Variants in VWA3B observed in about 807,000 individuals in gnomAD.
VWA3B encodes von Willebrand factor A domain containing 3B.
Under a neutral mutation model 158.3 loss-of-function variants are expected in VWA3B, and 138 were observed. The ratio of observed to expected loss-of-function variants is 0.87; its 90% CI spans 0.76 to 1.00. The LOEUF is 1.00. VWA3B is among the 50% of genes least tolerant of loss of function. The pLI is 0.00. For missense variants in VWA3B, 1,555 were observed against 1,565.1 expected (o/e 0.99, Z 0.11); for synonymous variants, 596 against 587.3 (o/e 1.01, Z -0.21).
At chr2:98,287,825 C>G (rs1383888665) in intron 22 of VWA3B, among the ~76,000 whole-genome samples, 1 of 152,080 alleles carries the variant, frequency 6.6e-6, no homozygotes, top group Non-Finnish European at 1.5e-5. Context: ...TTTAAAGATC[C>G]TTTTTCTCTG....
In VWA3B at chr2:98,307,895, C is replaced by T. The variant is rs180900843; in HGVS notation, c.3522-3924C>T. Among the ~76,000 whole-genome samples the T allele has an allele frequency of 2.4e-4, 36 of 152,304 alleles. No individual in the cohort carries two copies. The East Asian group carries it at 5.8e-3, about 24-fold the overall frequency. On this transcript the variant is annotated intron_variant, in intron 26 of 27. Transcript: ENST00000477737. ...CAAGGGATACCTGGGCCCAAACAGCCTCCATCTTCCCCCCAACCTCCTTTC... is the reference window on the plus strand; with the variant it reads ...CAAGGGATACCTGGGCCCAAACAGCTTCCATCTTCCCCCCAACCTCCTTTC...
At position 98,187,664 on chromosome 2, in the gene VWA3B, CTGTGTGTG is replaced by C. The variant is rs3066239; in HGVS notation, c.1312-279_1312-272del. Among the ~76,000 whole-genome samples the C allele has an allele frequency of 7.2e-4, 102 of 141,746 alleles. 1 individual carries two copies. Among genetic ancestry groups the C allele is most frequent in the South Asian group, 5.8e-3 (24 of 4,138 alleles). 93.0% of individuals were successfully genotyped at this position (141,746 alleles called of 152,430 possible). On this transcript the variant is annotated intron_variant, in intron 9 of 27. Transcript: ENST00000477737. ...TCCCTCTCCCTCTCCGTCTCTGTGT[CTGTGTGTG>C]TGTGTGTGTGTGTGTGTGTGTGTGT... is the stretch of plus-strand genomic sequence containing the variant.
chr2:98,296,786 G>A (rs1689825952), intron 23 of VWA3B, among the ~76,000 whole-genome samples: 1 of 152,102 alleles, frequency 6.6e-6, no homozygotes, highest in Non-Finnish European at 1.5e-5. Context: ...TTTTTAATGG[G>A]AGGATAAATT....
At chr2:98,277,686 G>A (rs1688606346) in intron 22 of VWA3B, among the ~76,000 whole-genome samples, 2 of 152,186 alleles carry the variant, frequency 1.3e-5, no homozygotes, top group East Asian at 1.9e-4. Flanking sequence ...TCTGCTCCGG[G>A]AGAAAGAGAG....
chr2:98,099,819 T>A (rs1469840916), intron 2 of VWA3B, among the ~76,000 whole-genome samples: 1 of 152,096 alleles, frequency 6.6e-6, no homozygotes, highest in Non-Finnish European at 1.5e-5. Flanking sequence ...CCAGATTCTT[T>A]CTTCTGCTTG....
chr2:98,127,685 G>C (rs1261028891), intron 5 of VWA3B, among the ~76,000 whole-genome samples: 1 of 151,732 alleles, frequency 6.6e-6, no homozygotes, highest in African/African-American at 2.4e-5. Flanking sequence ...GGGCACTGCA[G>C]GCGGACCTGG....
chr2:98,237,045 A>G (rs1246045189), intron 19 of VWA3B, among the ~76,000 whole-genome samples: 1 of 152,200 alleles, frequency 6.6e-6, no homozygotes, highest in Non-Finnish European at 1.5e-5. Flanking sequence ...GCATGGTGGC[A>G]TGCACCTGTA....
chr2:98,289,757 G>C (rs1689378428), intron 22 of VWA3B, among the ~76,000 whole-genome samples: 1 of 152,210 alleles, frequency 6.6e-6, no homozygotes, highest in African/African-American at 2.4e-5. Context: ...GAAGGCAGCA[G>C]TGCTGATCAT....
chr2:98,173,283 A>G (rs970274668), intron 8 of VWA3B, among the ~76,000 whole-genome samples: 5 of 152,240 alleles, frequency 3.3e-5, no homozygotes, highest in Admixed American at 1.3e-4. Context: ...GGATAAAATA[A>G]TATTTCTTCC....
chr2:98,270,859 T>C lies in VWA3B; in HGVS notation c.3021T>C (p.Asn1007=). ...AACTCCAGGAGGCTGCCAAGAAGAA[T>C]TATGCAAACAAGGCCCCGGGAGAGG... ...AMELQEAAKK[N]YANKAPGEQQ... is the part of the protein sequence containing the mutation. Residue 1007 remains asparagine, a synonymous_variant, in exon 22 of 28, where the codon AAT becomes AAC. Transcript: ENST00000477737. 22 of 1,613,994 alleles carry C rather than the reference T, an allele frequency of 1.4e-5. No individual in the cohort carries two copies. The highest frequency in any genetic ancestry group is 1.8e-5 in the Non-Finnish European group (21 of 1,179,914).
chr2:98,089,976 T>C (rs1573724993), intron 1 of VWA3B, among the ~76,000 whole-genome samples: 1 of 152,282 alleles, frequency 6.6e-6, no homozygotes, highest in East Asian at 1.9e-4. Context: ...TGAACCCCTC[T>C]TTAAGGTTCC....
intron 7 of VWA3B, among the ~76,000 whole-genome samples, chr2:98,135,208 C>T (rs1676166967): frequency 6.6e-6 from 1 of 151,858 alleles, no homozygotes; most frequent in Non-Finnish European, 1.5e-5. Flanking sequence ...GTCTTGGTCT[C>T]TGGATTCCTT....
At chr2:98,154,277 A>G (rs575381248) in intron 7 of VWA3B, among the ~76,000 whole-genome samples, 12 of 152,336 alleles carry the variant, frequency 7.9e-5, no homozygotes, top group African/African-American at 2.6e-4. Flanking sequence ...TTCAAAAGGA[A>G]TAAAAGACAA....
intron 7 of VWA3B, among the ~76,000 whole-genome samples, chr2:98,157,837 G>A (rs1252525657): frequency 7.4e-6 from 1 of 136,000 alleles, no homozygotes; most frequent in African/African-American, 2.8e-5. Flanking sequence ...CAAGGGTCCC[G>A]AGGGTGGTTT....
chr2:98,212,646 G>A (rs188151265), intron 13 of VWA3B, among the ~76,000 whole-genome samples: 219 of 152,284 alleles, frequency 1.4e-3, no homozygotes, highest in African/African-American at 5.1e-3. Context: ...GTGTCAACTC[G>A]CGTCCTTCCT....
chr2:98,226,236 C>A (rs943752113), intron 14 of VWA3B, among the ~76,000 whole-genome samples: 1 of 152,174 alleles, frequency 6.6e-6, no homozygotes, highest in Non-Finnish European at 1.5e-5. Context: ...GAAACAGACA[C>A]GTAGACCAAT....
chr2:98,301,209 G>C (rs1408368247), intron 25 of VWA3B, among the ~76,000 whole-genome samples: 1 of 151,392 alleles, frequency 6.6e-6, no homozygotes, highest in African/African-American at 2.4e-5. Flanking sequence ...AGAATGGCGT[G>C]AACCTGGGAG....
In VWA3B at chr2:98,250,353, TA is replaced by T. The variant is rs1686720991; in HGVS notation, c.2711del (p.Lys904ArgfsTer2). The part of the protein sequence containing the change: ...PLAHVCNDTN[K>X]MTLINPQGAK... ...TGGCACATGTGTGCAACGACACAAA[TA>T]AGATGACATTAATTAACCCCCAAGG... is the stretch of plus-strand genomic sequence containing the variant. On this transcript the variant is annotated frameshift_variant, in exon 20 of 28. Transcript: ENST00000477737. LOFTEE classifies it high-confidence loss of function. 2 of 1,613,402 alleles carry T rather than the reference TA, an allele frequency of 1.2e-6. No individual in the cohort carries two copies. Among genetic ancestry groups the T allele is most frequent in the Non-Finnish European group, 8.5e-7 (1 of 1,179,812 alleles).
At chr2:98,248,390 C>G (rs1686535320) in intron 19 of VWA3B, among the ~76,000 whole-genome samples, 1 of 152,034 alleles carries the variant, frequency 6.6e-6, no homozygotes. Context: ...TGCCTTTTCT[C>G]TTTCTCCTTC....
Sources: gnomAD v4.1 joint callset for allele counts (sites outside exome capture counted in the v4.1 genomes callset) on GRCh38, gnomAD v4.1.1 for gene constraint, MANE v1.5 for transcripts, NCBI Gene and HGNC (gene_info 2026-07-23, HGNC 2026-07-21) for gene names.